Variants in ZNF787 observed in about 807,000 individuals in gnomAD.
ZNF787 encodes the protein TTF-I-interacting peptide 20.
Under a neutral mutation model 16.9 loss-of-function variants are expected in ZNF787, and 7 were observed. That is an observed-to-expected ratio of 0.42 (90% CI 0.24 to 0.78). ZNF787 has a LOEUF of 0.78. Among genes scored for constraint, ZNF787 ranks in the 30% least tolerant of loss-of-function variants. The probability of loss-of-function intolerance (pLI) is 0.30; values close to 1 mark genes in which losing one functional copy is unlikely to be tolerated. For synonymous variants in ZNF787, 345 were observed against 270.9 expected (o/e 1.27, Z -2.69); for missense variants, 551 against 589.3 (o/e 0.94, Z 0.67).
chr19:56,100,060 G>A (rs559150221), intron 2 of ZNF787, among the ~76,000 whole-genome samples: 101 of 152,028 alleles, frequency 6.6e-4, no homozygotes, highest in African/African-American at 2.3e-3. Flanking sequence ...GGGAAGAAGC[G>A]ACCATACTCG....
At chr19:56,120,695 A>T (rs1174242599) in intron 1 of ZNF787, among the ~76,000 whole-genome samples, 2 of 151,812 alleles carry the variant, frequency 1.3e-5, no homozygotes, top group Non-Finnish European at 1.5e-5. Context: ...CGGCCAGGCC[A>T]GCCCAACCGC....
At chr19:56,110,143 C>T (rs1350619489) in intron 1 of ZNF787, among the ~76,000 whole-genome samples, 1 of 152,144 alleles carries the variant, frequency 6.6e-6, no homozygotes, top group Non-Finnish European at 1.5e-5. Flanking sequence ...AGGCGGATCA[C>T]GAGGTCAGAA....
At chr19:56,116,537 C>G (rs770206775) in intron 1 of ZNF787, among the ~76,000 whole-genome samples, 16 of 152,142 alleles carry the variant, frequency 1.1e-4, no homozygotes, top group Non-Finnish European at 1.9e-4. Context: ...CCAGCCTGGG[C>G]AACACAGCAA....
intron 1 of ZNF787, among the ~76,000 whole-genome samples, chr19:56,106,959 C>T (rs1229130333): frequency 6.6e-6 from 1 of 152,244 alleles, no homozygotes; most frequent in Non-Finnish European, 1.5e-5. Context: ...ACGGAGCCAG[C>T]CCCACTGCAG....
At chr19:56,098,128 G>C (rs1290897119) in intron 2 of ZNF787, among the ~76,000 whole-genome samples, 4 of 152,110 alleles carry the variant, frequency 2.6e-5, no homozygotes, top group African/African-American at 9.7e-5. Flanking sequence ...ACATGTGCCA[G>C]GGGTTCCTGG....
chr19:56,093,010 A>G (rs201591281), intron 2 of ZNF787, among the ~76,000 whole-genome samples: 1 of 145,518 alleles, frequency 6.9e-6, no homozygotes, highest in African/African-American at 2.6e-5. Flanking sequence ...TAGACACAGG[A>G]GGTGGCGGAA....
intron 1 of ZNF787, among the ~76,000 whole-genome samples, chr19:56,119,403 G>A (rs552749666): frequency 6.6e-6 from 1 of 152,240 alleles, no homozygotes; most frequent in East Asian, 1.9e-4. Context: ...AAGAGACAGT[G>A]CCAAGGCCAA....
chr19:56,096,287 CGT>C (rs1423435198), intron 2 of ZNF787, among the ~76,000 whole-genome samples: 1 of 151,438 alleles, frequency 6.6e-6, no homozygotes, highest in African/African-American at 2.4e-5. Flanking sequence ...GGTGTGGTGG[CGT>C]GTGCCTGGAG....
At chr19:56,096,237 A>AAATAAATAAATAAAT (rs1555776011) in intron 2 of ZNF787, among the ~76,000 whole-genome samples, 1 of 100,238 alleles carries the variant, frequency 1.0e-5, no homozygotes, top group Admixed American at 9.1e-5. Context: ...CTAAAAAAAT[A>AAATAAATAAATAAAT]AAAAAAATAA....
rs1212692656 is a variant in ZNF787 at position 56,112,294 on chromosome 19, G to GGCCTCCCTTACCA, written c.-11+8865_-11+8877dup. Among the ~76,000 whole-genome samples the GGCCTCCCTTACCA allele has an allele frequency of 2.0e-5, 3 of 152,188 alleles. No homozygotes were observed. In the East Asian group the frequency reaches 5.8e-4, roughly 29 times the overall value. ...GCACATCTTCTGAAACGAGGGTCCC[G>GGCCTCCCTTACCA]GCCTCCCTTACCAGCCTCCGTTTCT... On this transcript the variant is annotated intron_variant, in intron 1 of 2. Transcript: ENST00000610935.
chr19:56,111,906 C>T (rs1489903758), intron 1 of ZNF787, among the ~76,000 whole-genome samples: 1 of 152,166 alleles, frequency 6.6e-6, no homozygotes, highest in African/African-American at 2.4e-5. Flanking sequence ...AGGGCAGGTG[C>T]CTTGCTGAGC....
intron 2 of ZNF787, among the ~76,000 whole-genome samples, chr19:56,092,022 G>GCCGAAACCGAAGCCGAAGCCGAAA (rs796157914): frequency 1.7e-4 from 4 of 22,904 alleles, no homozygotes; most frequent in African/African-American, 2.4e-4. Context: ...CGAAACCGAA[G>GCCGAAACCGAAGCCGAAGCCGAAA]CCGAAGCCGA....
chr19:56,119,466 C>G lies in ZNF787; in HGVS notation c.-11+1706G>C, dbSNP rs10406914. On this transcript the variant is annotated intron_variant, in intron 1 of 2. Coordinates refer to ENST00000610935, the MANE Select transcript of ZNF787 (RefSeq NM_001002836.4). ...CCCTTTCCATTTACTTTACACCCAT[C>G]TGTTGAGGTCTGCTCTGGCTCTAAA... 7.6e-3 allele frequency among the ~76,000 whole-genome samples: 1,164 copies of G among 152,358 alleles called. 14 individuals are homozygous for G. Among genetic ancestry groups the G allele is most frequent in the African/African-American group, 0.026 (1,082 of 41,586 alleles).
intron 1 of ZNF787, among the ~76,000 whole-genome samples, chr19:56,107,316 CA>C: frequency 6.6e-6 from 1 of 152,196 alleles, no homozygotes; most frequent in Admixed American, 6.5e-5. Flanking sequence ...CAGTACCACC[CA>C]CCACTACGCT....
chr19:56,094,534 G>T (rs779966798), intron 2 of ZNF787, among the ~76,000 whole-genome samples: 1 of 151,066 alleles, frequency 6.6e-6, no homozygotes, highest in Non-Finnish European at 1.5e-5. Flanking sequence ...TTTAAAGAAC[G>T]ATGTTTTTAT....
intron 2 of ZNF787, among the ~76,000 whole-genome samples, chr19:56,101,324 G>A (rs62122447): frequency 0.11 from 17,303 of 152,316 alleles, 1,311 homozygotes; most frequent in East Asian, 0.32. Context: ...GAGCAAGGGC[G>A]TCACGCAGGG....
chr19:56,089,618 A>T (rs1447914666), intron 2 of ZNF787, among the ~76,000 whole-genome samples: 1 of 152,138 alleles, frequency 6.6e-6, no homozygotes, highest in Non-Finnish European at 1.5e-5. Context: ...GGCTCCAGGA[A>T]GACAATCCTG....
At position 56,088,128 on chromosome 19, in the gene ZNF787, G is replaced by A. The variant is rs1264538112; in HGVS notation, c.1044C>T (p.Ser348=). The change falls in exon 3 of 3, where the codon AGC becomes AGT. Residue 348 remains serine (S), a synonymous_variant. Transcript: ENST00000610935. This position sits in a 1 kb window ranked among gnomAD's most constrained non-coding sequence, Gnocchi z 8.6. ...CGCGGTAGTAGCTCTGTCCGCAGCT[G>A]CTGCAGACCGAGGGCGCGCCCACCG... ...IHAVGAPSVC[S]SCGQSYYRAG... 2 of 1,551,454 alleles carry A rather than the reference G, an allele frequency of 1.3e-6. No individual in the cohort carries two copies. Among genetic ancestry groups the A allele is most frequent in the Non-Finnish European group, 1.7e-6 (2 of 1,154,692 alleles).
At position 56,088,345 on chromosome 19, in the gene ZNF787, G is replaced by T; in HGVS notation, c.827C>A (p.Ala276Asp). The change falls in exon 3 of 3, where the codon GCC (alanine) becomes GAC (aspartate). Residue 276 changes from alanine to aspartate, a missense_variant. Ala to Asp is a moderately radical substitution (Grantham distance 126). This residue lies in a region of ZNF787 where 392 missense variants were observed against 312.7 expected (regional missense o/e 1.25). Transcript: ENST00000610935. This position sits in a 1 kb window ranked among gnomAD's most constrained non-coding sequence, Gnocchi z 8.6. ...CTCCAGACACACGTACGGCTTGGGG[G>T]CCGGGGCGCGCCGCGACCGGGGCCC... ...AAGPRSRRAP[A>D]PKPYVCLECG... The T allele has an allele frequency of 8.5e-7, 1 of 1,170,706 alleles. No individual in the cohort carries two copies. The highest frequency in any genetic ancestry group is 1.6e-5 in the African/African-American group (1 of 60,868). The allele number at this position is 1,170,706 out of a possible 1,614,324, so 72.5% of individuals were successfully genotyped here. A position where few individuals can be genotyped will look rare whatever the true frequency, so the allele number is the denominator to read the frequency against.
Sources: allele counts gnomAD v4.1 joint callset (sites outside exome capture counted in the v4.1 genomes callset), GRCh38; gene constraint gnomAD v4.1.1; regional missense constraint gnomAD v4.1.1; non-coding constraint Gnocchi (gnomAD v3.1); transcripts MANE v1.5; gene names NCBI Gene and HGNC (gene_info 2026-07-23, HGNC 2026-07-21).